OXCT1: variants seen among roughly 807,000 people sequenced by gnomAD.
OXCT1 encodes the protein succinyl-CoA:3-ketoacid coenzyme A transferase 1, mitochondrial.
In OXCT1, 27 loss-of-function variants were observed where a neutral mutation model predicts 69.6. The ratio of observed to expected loss-of-function variants is 0.39; its 90% CI spans 0.29 to 0.54. The LOEUF is 0.54. OXCT1 is among the 20% of genes least tolerant of loss of function. OXCT1 has a pLI of 0.72. For missense variants in OXCT1, 437 were observed against 650.2 expected, an observed-to-expected ratio of 0.67 and a Z score of 3.57; for synonymous variants, 202 against 217.8, an observed-to-expected ratio of 0.93 and a Z score of 0.64.
chr5:41,789,016 A>G (rs1043910398), intron 13 of OXCT1, among the ~76,000 whole-genome samples: 7 of 152,252 alleles, frequency 4.6e-5, no homozygotes, highest in African/African-American at 1.7e-4. Flanking sequence ...TTAAATAAAC[A>G]ATGGGTCATA....
At chr5:41,745,687 A>G (rs1743446007) in intron 15 of OXCT1, among the ~76,000 whole-genome samples, 1 of 152,192 alleles carries the variant, frequency 6.6e-6, no homozygotes, top group African/African-American at 2.4e-5. Flanking sequence ...AGAAGAATCA[A>G]ATAGACGCAA....
At chr5:41,747,072 T>C (rs906091514) in intron 15 of OXCT1, among the ~76,000 whole-genome samples, 3 of 152,138 alleles carry the variant, frequency 2.0e-5, no homozygotes, top group Non-Finnish European at 4.4e-5. Context: ...TTTTTTCTAA[T>C]GCAAATCTAA....
intron 13 of OXCT1, among the ~76,000 whole-genome samples, chr5:41,790,624 C>G (rs1282616673): frequency 2.0e-5 from 3 of 152,110 alleles, no homozygotes; most frequent in Admixed American, 6.5e-5. Flanking sequence ...ATGGCTTACA[C>G]AGCCATTGAA....
chr5:41,772,109 T>C (rs1166908585), intron 13 of OXCT1, among the ~76,000 whole-genome samples: 1 of 152,220 alleles, frequency 6.6e-6, no homozygotes, highest in Non-Finnish European at 1.5e-5. Flanking sequence ...CAACAACTCG[T>C]TCACATGGAA....
At position 41,801,056 on chromosome 5, in the gene OXCT1, T is replaced by A; in HGVS notation, c.1065A>T (p.Arg355=). Residue 355 remains arginine (R), a synonymous_variant, in exon 11 of 17, where the codon CGA becomes CGT. Coordinates refer to ENST00000196371, the MANE Select transcript of OXCT1 (RefSeq NM_000436.4). ...NGVLGLGPYP[R]QHEADADLIN... ...TGAGATCTGCATCAGCTTCATGTTG[T>A]CGTGGATATGGACCCTGTCAAATAC... 1 of 1,611,910 alleles carries A rather than the reference T, an allele frequency of 6.2e-7. No individual in the cohort carries two copies. Among genetic ancestry groups the A allele is most frequent in the East Asian group, 2.2e-5 (1 of 44,840 alleles).
chr5:41,765,690 G>T (rs1033430238), intron 13 of OXCT1, among the ~76,000 whole-genome samples: 1 of 152,162 alleles, frequency 6.6e-6, no homozygotes, highest in African/African-American at 2.4e-5. Context: ...GTCCTAGGCA[G>T]AGTAATTCAC....
At chr5:41,843,320 G>A (rs1402678205) in intron 5 of OXCT1, among the ~76,000 whole-genome samples, 1 of 152,074 alleles carries the variant, frequency 6.6e-6, no homozygotes, top group East Asian at 1.9e-4. Context: ...CATAGTATAT[G>A]TCTCCATTTA....
chr5:41,731,562 C>A lies in OXCT1; in HGVS notation c.*167G>T. 1 of 1,049,368 alleles carries A rather than the reference C, an allele frequency of 9.5e-7. No individual in the cohort carries two copies. Among genetic ancestry groups the A allele is most frequent in the Non-Finnish European group, 1.4e-6 (1 of 731,558 alleles). The allele number at this position is 1,049,368 out of a possible 1,614,324, so 65.0% of individuals were successfully genotyped here. A position where few individuals can be genotyped will look rare whatever the true frequency, so the allele number is the denominator to read the frequency against. ...CTCCTTTTGCTTTTTATTAAAATGT[C>A]ACAGCATGCCTAGAGAACAGTTTAT... On this transcript the variant is annotated 3_prime_UTR_variant, in exon 17 of 17. Transcript: ENST00000196371.
rs981637499 is a variant in OXCT1, at chr5:41,850,056, C to T, written c.538G>A (p.Val180Ile). The T allele has an allele frequency of 1.2e-6, 2 of 1,613,914 alleles. No individual in the cohort carries two copies. Among genetic ancestry groups the T allele is most frequent in the Non-Finnish European group, 1.7e-6 (2 of 1,179,888 alleles). Residue 180 changes from valine (V) to isoleucine (I), a missense_variant, in exon 5 of 17, where the codon GTT becomes ATT. Transcript: ENST00000196371. ...SPIKYNKDGS[V>I]AIASKPREVR... ...TCTCTTGGCTTACTGGCAATGGCAA[C>T]ACTGCCATCTTTGTTGTATTTGATG...
Position 41,862,371 on chromosome 5 carries a change from C to T in OXCT1, c.187+271G>A, listed in dbSNP as rs553306201. Among the ~76,000 whole-genome samples the T allele has an allele frequency of 2.0e-5, 3 of 152,066 alleles. No homozygotes were observed. The East Asian group carries it at 5.8e-4, about 29-fold the overall frequency. On this transcript the variant is annotated intron_variant, in intron 2 of 16. Coordinates refer to ENST00000196371, the MANE Select transcript of OXCT1 (RefSeq NM_000436.4). Reference sequence around the variant, plus strand: ...CAAAGCTATTAATAAAACCTGACTACTTTGAAGCTTCAGTTTTTCAAAACA... The same window carrying T: ...CAAAGCTATTAATAAAACCTGACTATTTTGAAGCTTCAGTTTTTCAAAACA...
chr5:41,747,630 G>A (rs1743562621), intron 15 of OXCT1, among the ~76,000 whole-genome samples: 1 of 152,042 alleles, frequency 6.6e-6, no homozygotes, highest in Admixed American at 6.6e-5. Flanking sequence ...GATGGGGTGG[G>A]AAGAATGTTC....
chr5:41,770,180 T>C (rs1028942759), intron 13 of OXCT1, among the ~76,000 whole-genome samples: 3 of 152,206 alleles, frequency 2.0e-5, no homozygotes, highest in Non-Finnish European at 4.4e-5. Flanking sequence ...ATCTTCAAGT[T>C]TGTTTCTAAA....
At chr5:41,817,350 T>G (rs1161635069) in intron 7 of OXCT1, among the ~76,000 whole-genome samples, 1 of 152,174 alleles carries the variant, frequency 6.6e-6, no homozygotes, top group Non-Finnish European at 1.5e-5. Context: ...TCACCTAAAG[T>G]CATTTCACCT....
intron 16 of OXCT1, 33 bp downstream of exon 16, chr5:41,739,357 C>T: frequency 7.6e-7 from 1 of 1,315,638 alleles, no homozygotes; most frequent in East Asian, 2.3e-5. Context: ...TAATATAAGA[C>T]AAGTGTCTGG....
chr5:41,798,679 AAAAC>A (rs1189131879), intron 11 of OXCT1, among the ~76,000 whole-genome samples: 1 of 152,242 alleles, frequency 6.6e-6, no homozygotes, highest in African/African-American at 2.4e-5. Flanking sequence ...TTAAAATAAG[AAAAC>A]ATTAAGAAAT....
chr5:41,799,128 AT>A (rs1212786920), intron 11 of OXCT1, among the ~76,000 whole-genome samples: 1 of 152,154 alleles, frequency 6.6e-6, no homozygotes, highest in Non-Finnish European at 1.5e-5. Flanking sequence ...TTATATTATT[AT>A]TTTGAATTTT....
intron 13 of OXCT1, among the ~76,000 whole-genome samples, chr5:41,773,571 A>T (rs1744980919): frequency 1.3e-5 from 2 of 152,000 alleles, no homozygotes; most frequent in South Asian, 4.1e-4. Flanking sequence ...AACGCACTCC[A>T]GCCTGGGCTA....
At chr5:41,858,048 G>A (rs1042821250) in intron 3 of OXCT1, among the ~76,000 whole-genome samples, 1 of 152,040 alleles carries the variant, frequency 6.6e-6, no homozygotes, top group African/African-American at 2.4e-5. Flanking sequence ...GGCTCTATTT[G>A]GAGATCACAT....
At position 41,862,758 on chromosome 5, in the gene OXCT1, A is replaced by AT; in HGVS notation, c.79-9dup. On this transcript the variant is annotated splice_polypyrimidine_tract_variant and intron_variant, in intron 1 of 16. Transcript: ENST00000196371. ...AAAGGAACAAACACATCCCTGAAAT[A>AT]TTAAAAAAAAAAAATTGATAATCAT... 6.5e-7 allele frequency: 1 copy of AT among 1,542,102 alleles called. No individual in the cohort carries two copies. The highest frequency in any genetic ancestry group is 9.0e-7 in the Non-Finnish European group (1 of 1,115,186).
Sources: gnomAD v4.1 joint callset for allele counts (sites outside exome capture counted in the v4.1 genomes callset) on GRCh38, gnomAD v4.1.1 for gene constraint, MANE v1.5 for transcripts, NCBI Gene and HGNC (gene_info 2026-07-23, HGNC 2026-07-21) for gene names.